PRKCH: variants seen among roughly 807,000 people sequenced by gnomAD.
PRKCH encodes the protein protein kinase C eta, also known as protein kinase C eta type.
PRKCH carries 28 observed loss-of-function variants against 82.5 expected under a neutral mutation model. The observed-to-expected ratio is 0.34, with a 90% CI of 0.25 to 0.47. The LOEUF (loss-of-function observed/expected upper bound fraction) is 0.47, where lower values mean the gene tolerates loss of function less well. Among genes scored for constraint, PRKCH ranks in the 20% least tolerant of loss-of-function variants. The pLI is 1.00. For synonymous variants in PRKCH, 322 were observed against 327.4 expected, an observed-to-expected ratio of 0.98 and a Z score of 0.18; for missense variants, 705 against 881.8, an observed-to-expected ratio of 0.80 and a Z score of 2.54.
intron 2 of PRKCH, among the ~76,000 whole-genome samples, chr14:61,397,801 C>T (rs937310769): frequency 6.6e-6 from 1 of 152,106 alleles, no homozygotes; most frequent in Non-Finnish European, 1.5e-5. Flanking sequence ...GTGGTTTCTT[C>T]AAAGTTTGAT....
At chr14:61,451,006 A>T (rs770876379) in intron 6 of PRKCH, 35 bp downstream of exon 6, 2 of 1,608,898 alleles carry the variant, frequency 1.2e-6, no homozygotes. Context: ...CCACCTCTTC[A>T]TGGGAACACT....
At chr14:61,532,739 C>T (rs1344092910) in intron 12 of PRKCH, among the ~76,000 whole-genome samples, 3 of 152,166 alleles carry the variant, frequency 2.0e-5, no homozygotes, top group African/African-American at 7.2e-5. Context: ...GATACACTGT[C>T]CAGTAATAGC....
chr14:61,457,069 C>T lies in PRKCH; in HGVS notation c.961-107C>T, dbSNP rs1361119702. 7 of 1,224,642 alleles carry T rather than the reference C, an allele frequency of 5.7e-6. No individual in the cohort carries two copies. In the African/African-American group the frequency reaches 6.1e-5, roughly 11 times the overall value. 75.9% of individuals were successfully genotyped at this position (1,224,642 alleles called of 1,614,324 possible). ...TCAAACTGAGTTGATCTTTCCCCCA[C>T]GTTATACTGGGGGTGAGACTGCTCC... On this transcript the variant is annotated intron_variant, in intron 7 of 13. Transcript: ENST00000332981.
intron 10 of PRKCH, among the ~76,000 whole-genome samples, chr14:61,487,830 C>CAAAA (rs33953676): frequency 7.1e-6 from 1 of 141,572 alleles, no homozygotes; most frequent in Non-Finnish European, 1.5e-5. Flanking sequence ...CCTATCTCTA[C>CAAAA]AAAAAAAAAA....
At chr14:61,253,976 C>CTCCTCCCT (rs1335916342) in intron 1 of PRKCH, among the ~76,000 whole-genome samples, 2,321 of 126,000 alleles carry the variant, frequency 0.018, 47 homozygotes, top group East Asian at 0.053. Context: ...CCCTCCCTCC[C>CTCCTCCCT]TCCTCCCTCC....
intron 1 of PRKCH, among the ~76,000 whole-genome samples, chr14:61,312,875 C>T (rs559533427): frequency 2.0e-5 from 3 of 152,270 alleles, no homozygotes; most frequent in South Asian, 2.1e-4. Flanking sequence ...ACTCTCCCCC[C>T]GCCTCCCACA....
chr14:61,340,925 C>T (rs1390175830), intron 1 of PRKCH, among the ~76,000 whole-genome samples: 2 of 152,222 alleles, frequency 1.3e-5, no homozygotes, highest in Non-Finnish European at 2.9e-5. Context: ...GCCAGATTGG[C>T]TTGGTAAATA....
chr14:61,379,498 G>A (rs2046469415), intron 1 of PRKCH, among the ~76,000 whole-genome samples: 1 of 152,208 alleles, frequency 6.6e-6, no homozygotes, highest in African/African-American at 2.4e-5. Context: ...GTAGTTTTGA[G>A]TTCTTGTTTT....
intron 2 of PRKCH, among the ~76,000 whole-genome samples, chr14:61,415,083 C>A (rs1882485334): frequency 6.6e-6 from 1 of 152,120 alleles, no homozygotes; most frequent in Non-Finnish European, 1.5e-5. Context: ...CTGGCTCAGA[C>A]CCCAGTTGTC....
chr14:61,280,872 G>T lies in PRKCH; in HGVS notation c.-19+93204G>T. 6.4e-7 allele frequency: 1 copy of T among 1,565,546 alleles called. No individual in the cohort carries two copies. On this transcript the variant is annotated intron_variant, in intron 1 of 3. Transcript: ENST00000555185. The surrounding 1 kb of genome is among the most constrained non-coding windows in gnomAD (Gnocchi z 5.0). ...GCAGCGAGAAGTACCAGGCGCACGA[G>T]CAGGGGGGCGGCAGCGCCCGGCCCT...
intron 1 of PRKCH, among the ~76,000 whole-genome samples, chr14:61,245,751 G>A (rs373768744): frequency 6.6e-6 from 1 of 152,182 alleles, no homozygotes; most frequent in South Asian, 2.1e-4. Context: ...ACAGAGTCTG[G>A]CATTAGATTA....
rs141615380 is a variant in PRKCH at position 61,388,233 on chromosome 14, C to T, written c.364-2992C>T. ...TCATGTCTCTCTAAAAAGTTTCAAC[C>T]TGCAGTTTGTAAAACCCTGTTCTAA... On this transcript the variant is annotated intron_variant, in intron 1 of 13. Transcript: ENST00000332981. 1.9e-4 allele frequency among the ~76,000 whole-genome samples: 29 copies of T among 152,106 alleles called. 1 individual carries two copies. Among genetic ancestry groups the T allele is most frequent in the African/African-American group, 6.5e-4 (27 of 41,404 alleles).
chr14:61,506,676 GC>G (rs1445863292), intron 10 of PRKCH, among the ~76,000 whole-genome samples: 1 of 152,158 alleles, frequency 6.6e-6, no homozygotes, highest in East Asian at 1.9e-4. Context: ...ATGCTAAGAA[GC>G]AGGGACCTGG....
In PRKCH at chr14:61,343,609, C is replaced by A. The variant is rs548327480; in HGVS notation, c.363+21145C>A. 1.3e-3 allele frequency among the ~76,000 whole-genome samples: 197 copies of A among 151,924 alleles called. 1 individual carries two copies. Among genetic ancestry groups the A allele is most frequent in the African/African-American group, 4.5e-3 (188 of 41,406 alleles). Reference sequence around the variant, plus strand: ...CATAAAAAATATATATCTAATGTGCCAATGCAAGACCTGGCCTTTTTGTAA... The same window carrying A: ...CATAAAAAATATATATCTAATGTGCAAATGCAAGACCTGGCCTTTTTGTAA... On this transcript the variant is annotated intron_variant, in intron 1 of 13. Coordinates refer to ENST00000332981, the MANE Select transcript of PRKCH (RefSeq NM_006255.5).
chr14:61,346,970 A>AG (rs2046001531), intron 1 of PRKCH, among the ~76,000 whole-genome samples: 3 of 151,868 alleles, frequency 2.0e-5, no homozygotes, highest in Admixed American at 2.0e-4. Context: ...AGCATTGTTT[A>AG]GGAATGGCTT....
intron 1 of PRKCH, among the ~76,000 whole-genome samples, chr14:61,307,811 C>T (rs1009928787): frequency 6.6e-6 from 1 of 152,128 alleles, no homozygotes; most frequent in Admixed American, 6.6e-5. Context: ...CAAAAATAAA[C>T]ATGCAGCTAA....
intron 1 of PRKCH, among the ~76,000 whole-genome samples, chr14:61,342,939 C>T (rs2045946419): frequency 6.6e-6 from 1 of 152,214 alleles, no homozygotes; most frequent in Non-Finnish European, 1.5e-5. Context: ...ACTGTGTCGC[C>T]TCATTCTCAA....
At chr14:61,239,870 G>A (rs758803829) in intron 1 of PRKCH, among the ~76,000 whole-genome samples, 37 of 152,150 alleles carry the variant, frequency 2.4e-4, no homozygotes, top group Non-Finnish European at 2.2e-4. Context: ...TGCACTGGGG[G>A]TAGCATCAAG....
intron 10 of PRKCH, among the ~76,000 whole-genome samples, chr14:61,516,667 G>T (rs991168700): frequency 6.6e-6 from 1 of 152,132 alleles, no homozygotes; most frequent in Non-Finnish European, 1.5e-5. Context: ...ATTTCTTAGG[G>T]GAAAATGTGA....
Sources: allele counts gnomAD v4.1 joint callset (sites outside exome capture counted in the v4.1 genomes callset), GRCh38; gene constraint gnomAD v4.1.1; non-coding constraint Gnocchi (gnomAD v3.1); transcripts MANE v1.5; gene names NCBI Gene and HGNC (gene_info 2026-07-23, HGNC 2026-07-21).